Variants in HDAC8 observed in about 807,000 individuals in gnomAD.
HDAC8 encodes histone deacetylase-like 1.
Under a neutral mutation model 32.2 loss-of-function variants are expected in HDAC8, and 1 was observed. The ratio of observed to expected loss-of-function variants is 0.03; its 90% CI spans 0.01 to 0.15. The LOEUF (loss-of-function observed/expected upper bound fraction) is 0.15, where lower values mean the gene tolerates loss of function less well. Ranked by LOEUF, HDAC8 falls within the 10% of genes least tolerant of loss-of-function variation. HDAC8 has a pLI of 1.00. For synonymous variants in HDAC8, 108 were observed against 113.9 expected (o/e 0.95, Z 0.33); for missense variants, 117 against 300.0 (o/e 0.39, Z 4.51).
At chrX:72,362,276 C>G (rs1458460846) in intron 9 of HDAC8, among the ~76,000 whole-genome samples, 1 of 111,297 alleles carries the variant, frequency 9.0e-6, no homozygotes, top group Non-Finnish European at 1.9e-5. Flanking sequence ...GAACCTCCCC[C>G]GTCTCTCTCT....
At chrX:72,336,579 A>T (rs672002) in intron 10 of HDAC8, among the ~76,000 whole-genome samples, 57,588 of 107,862 alleles carry the variant, frequency 0.53, 14,934 homozygotes, top group Non-Finnish European at 0.78. Context: ...TTATTTTTTT[A>T]AAATATTTTT....
At chrX:72,437,546 C>T (rs1555979722) in intron 9 of HDAC8, among the ~76,000 whole-genome samples, 1 of 111,714 alleles carries the variant, frequency 9.0e-6, no homozygotes, top group African/African-American at 3.3e-5. Context: ...TGGTCTAGCT[C>T]AGTGGATCCC....
At chrX:72,441,520 AC>A (rs1407044908) in intron 9 of HDAC8, among the ~76,000 whole-genome samples, 1 of 111,945 alleles carries the variant, frequency 8.9e-6, no homozygotes, top group Admixed American at 9.5e-5. Context: ...GGACATCCAC[AC>A]CAAAAACCCA....
chrX:72,556,619 A>G (rs1174540741), intron 4 of HDAC8, among the ~76,000 whole-genome samples: 1 of 112,019 alleles, frequency 8.9e-6, no homozygotes, highest in Non-Finnish European at 1.9e-5. Flanking sequence ...TATCAGACAA[A>G]ACAAACTTTA....
chrX:72,437,036 C>A (rs2046970333), intron 9 of HDAC8, among the ~76,000 whole-genome samples: 1 of 112,220 alleles, frequency 8.9e-6, no homozygotes, highest in Admixed American at 9.4e-5. Flanking sequence ...ATAGAGGGAA[C>A]AGGTAGCTGG....
intron 9 of HDAC8, among the ~76,000 whole-genome samples, chrX:72,445,731 A>G (rs1234356071): frequency 8.9e-6 from 1 of 112,039 alleles, no homozygotes; most frequent in African/African-American, 3.2e-5. Flanking sequence ...AGAAACTACC[A>G]TCAGAGTGAA....
At chrX:72,522,933 C>T (rs2050026450) in intron 4 of HDAC8, among the ~76,000 whole-genome samples, 1 of 112,014 alleles carries the variant, frequency 8.9e-6, no homozygotes, top group South Asian at 3.7e-4. Context: ...CTTTCCACGT[C>T]AATAAGTGTA....
At chrX:72,430,720 C>T (rs184894958) in intron 9 of HDAC8, among the ~76,000 whole-genome samples, 100 of 111,478 alleles carry the variant, frequency 9.0e-4, no homozygotes, top group African/African-American at 3.2e-3. Context: ...CTCAGTGTCC[C>T]CAAAATAGAA....
chrX:72,403,797 G>A (rs1045707541), intron 9 of HDAC8, among the ~76,000 whole-genome samples: 8 of 111,203 alleles, frequency 7.2e-5, no homozygotes, highest in African/African-American at 2.6e-4. Flanking sequence ...ACTGCACTCC[G>A]GCCTGGGCGA....
At chrX:72,442,111 T>G (rs78977993) in intron 9 of HDAC8, among the ~76,000 whole-genome samples, 17 of 110,656 alleles carry the variant, frequency 1.5e-4, no homozygotes, top group East Asian at 1.4e-3. Context: ...AAAACACTCT[T>G]CAGGATATTA....
intron 9 of HDAC8, among the ~76,000 whole-genome samples, chrX:72,406,786 T>C (rs1432728454): frequency 8.9e-6 from 1 of 112,517 alleles, no homozygotes; most frequent in African/African-American, 3.2e-5. Flanking sequence ...AAAACAACAT[T>C]AAAAATTCAG....
chrX:72,368,164 T>C (rs1431378809), intron 9 of HDAC8, among the ~76,000 whole-genome samples: 1 of 111,647 alleles, frequency 9.0e-6, no homozygotes, highest in African/African-American at 3.3e-5. Flanking sequence ...GGATCCTGGG[T>C]TCCTTCATGC....
chrX:72,441,378 C>G (rs782128762), intron 9 of HDAC8, among the ~76,000 whole-genome samples: 4 of 111,999 alleles, frequency 3.6e-5, no homozygotes, highest in Non-Finnish European at 7.5e-5. Flanking sequence ...TCGTGGTTCA[C>G]GAAAATCCAC....
intron 9 of HDAC8, among the ~76,000 whole-genome samples, chrX:72,373,289 C>T (rs1280360627): frequency 8.9e-6 from 1 of 111,761 alleles, no homozygotes; most frequent in East Asian, 2.8e-4. Context: ...TCACAAGTAG[C>T]ATATTTACAA....
intron 9 of HDAC8, among the ~76,000 whole-genome samples, chrX:72,399,121 T>C (rs782712040): frequency 4.0e-4 from 45 of 112,082 alleles, no homozygotes; most frequent in Middle Eastern, 4.6e-3. Context: ...CTATGTTTTC[T>C]TCTAAAAGTA....
At chrX:72,495,743 G>A (rs147829962) in intron 4 of HDAC8, among the ~76,000 whole-genome samples, 1,616 of 111,834 alleles carry the variant, frequency 0.014, 14 homozygotes, top group Non-Finnish European at 0.021. Context: ...ACACAAACTA[G>A]AATTTTTAAA....
chrX:72,567,629 G>T, intron 4 of HDAC8: 8 of 694,356 alleles, frequency 1.2e-5, no homozygotes, highest in Non-Finnish European at 1.8e-5. Flanking sequence ...TGAGGCCTAG[G>T]GAGGGTAATC....
At chrX:72,369,494 T>C (rs1390940113) in intron 9 of HDAC8, among the ~76,000 whole-genome samples, 3 of 112,354 alleles carry the variant, frequency 2.7e-5, no homozygotes, top group African/African-American at 9.7e-5. Flanking sequence ...TTTGTTTCTG[T>C]TGTTTGTTAA....
At chrX:72,383,266 A>T (rs1225919238) in intron 9 of HDAC8, among the ~76,000 whole-genome samples, 2 of 112,552 alleles carry the variant, frequency 1.8e-5, no homozygotes, top group African/African-American at 3.2e-5. Context: ...TCAAAGATTA[A>T]AATGTATAAT....
Sources: gnomAD v4.1 joint callset for allele counts (sites outside exome capture counted in the v4.1 genomes callset) on GRCh38, gnomAD v4.1.1 for gene constraint, MANE v1.5 for transcripts, NCBI Gene and HGNC (gene_info 2026-07-23, HGNC 2026-07-21) for gene names.